The following SNX2 variants were observed in gnomAD, a reference collection of about 807,000 sequenced individuals.
SNX2 encodes sorting nexin 2, also known as sorting nexin-2.
SNX2 carries 25 observed loss-of-function variants against 69.9 expected under a neutral mutation model. The observed-to-expected ratio is 0.36, with a 90% CI of 0.26 to 0.50. SNX2 has a LOEUF of 0.50. Among genes scored for constraint, SNX2 ranks in the 20% least tolerant of loss-of-function variants. The probability of loss-of-function intolerance (pLI) is 0.97; values close to 1 mark genes in which losing one functional copy is unlikely to be tolerated. For synonymous variants in SNX2, 229 were observed against 200.4 expected (o/e 1.14, Z -1.20); for missense variants, 551 against 613.3 (o/e 0.90, Z 1.07).
At chr5:122,801,154 A>C (rs1386835997) in intron 3 of SNX2, among the ~76,000 whole-genome samples, 1 of 152,170 alleles carries the variant, frequency 6.6e-6, no homozygotes, top group Non-Finnish European at 1.5e-5. Flanking sequence ...TTGGTATTAA[A>C]GGGTAGAGAG....
chr5:122,795,614 A>G (rs763424666), intron 2 of SNX2: 78 of 366,918 alleles, frequency 2.1e-4, no homozygotes, highest in Non-Finnish European at 3.2e-4. Flanking sequence ...AATAAATTGT[A>G]TATTATAATT....
In SNX2 at chr5:122,826,113, A is replaced by G; in HGVS notation, c.1276A>G (p.Lys426Glu). Residue 426 changes from lysine (K) to glutamate (E), a missense_variant, in exon 12 of 15, where the codon AAA becomes GAA. Around this residue, in one of 2 missense-constraint regions of SNX2, gnomAD observed 360 missense variants for 450.4 expected, o/e 0.80. Coordinates refer to ENST00000379516, the MANE Select transcript of SNX2 (RefSeq NM_003100.4). ...KWEDAQITLL[K>E]KREAEAKMMV... ...GGAAGATGCTCAAATTACTTTGCTC[A>G]AAAAACGTGAAGCTGAAGCAAAAAT... The G allele has an allele frequency of 3.1e-6, 5 of 1,613,264 alleles. No individual in the cohort carries two copies. The highest frequency in any genetic ancestry group is 4.2e-6 in the Non-Finnish European group (5 of 1,179,420).
chr5:122,782,517 G>A (rs1753000451), intron 1 of SNX2, among the ~76,000 whole-genome samples: 1 of 151,816 alleles, frequency 6.6e-6, no homozygotes, highest in Admixed American at 6.6e-5. Flanking sequence ...GAGATTACAG[G>A]CGTGAGCCAT....
chr5:122,818,636 C>T (rs960626129), intron 10 of SNX2, among the ~76,000 whole-genome samples, 182 bp from the exon 11 acceptor site: 1 of 152,150 alleles, frequency 6.6e-6, no homozygotes, highest in Non-Finnish European at 1.5e-5. Context: ...AGTAGATCTC[C>T]GAGCACTTGG....
chr5:122,795,458 C>A, intron 2 of SNX2, 75 bp downstream of exon 2: 1 of 1,018,884 alleles, frequency 9.8e-7, no homozygotes, highest in Admixed American at 2.0e-5. Flanking sequence ...ATATCTAAAA[C>A]AAAACTGAAA....
intron 1 of SNX2, among the ~76,000 whole-genome samples, chr5:122,792,188 C>T (rs1171001387): frequency 2.6e-5 from 4 of 152,204 alleles, no homozygotes; most frequent in African/African-American, 4.8e-5. Context: ...TTTGAAACTA[C>T]TTTTGAATGT....
intron 6 of SNX2, among the ~76,000 whole-genome samples, chr5:122,806,071 C>G (rs1334606197): frequency 6.7e-6 from 1 of 150,174 alleles, no homozygotes; most frequent in Non-Finnish European, 1.5e-5. Flanking sequence ...TGAGCCACCG[C>G]GCCTGGCCTG....
At chr5:122,820,265 C>T (rs1278578744) in intron 11 of SNX2, among the ~76,000 whole-genome samples, 1 of 152,194 alleles carries the variant, frequency 6.6e-6, no homozygotes, top group Non-Finnish European at 1.5e-5. Context: ...GGGCCGGGCA[C>T]TGTGGCTCAC....
intron 3 of SNX2, among the ~76,000 whole-genome samples, chr5:122,800,233 G>C (rs572741080): frequency 6.6e-6 from 1 of 152,208 alleles, no homozygotes; most frequent in African/African-American, 2.4e-5. Flanking sequence ...GGTTGATATT[G>C]AAAAAGAAGG....
At chr5:122,827,763 CAG>C in intron 14 of SNX2, 117 bp downstream of exon 14, 1 of 702,250 alleles carries the variant, frequency 1.4e-6, no homozygotes, top group Non-Finnish European at 2.4e-6. Flanking sequence ...AAATGGAAGA[CAG>C]AAAGCCAGTG....
rs945454725 is a variant in SNX2, at chr5:122,831,311, T to A, written c.*1663T>A. On this transcript the variant is annotated 3_prime_UTR_variant, in exon 15 of 15. Transcript: ENST00000379516. ...TGGCTGATACATAATAGGTTAATAA[T>A]AAGGGCTTGATGGGCCAGGCACAGT... Among the ~76,000 whole-genome samples the A allele has an allele frequency of 1.3e-5, 2 of 151,958 alleles. No individual in the cohort carries two copies. Among genetic ancestry groups the A allele is most frequent in the East Asian group, 3.9e-4 (2 of 5,126 alleles).
chr5:122,799,123 G>C (rs1434893072), intron 2 of SNX2, among the ~76,000 whole-genome samples: 1 of 152,084 alleles, frequency 6.6e-6, no homozygotes, highest in Non-Finnish European at 1.5e-5. Flanking sequence ...GATTTTTCAA[G>C]TGAGTGGGCA....
chr5:122,816,041 T>C, intron 8 of SNX2, 70 bp downstream of exon 8: 1 of 728,932 alleles, frequency 1.4e-6, no homozygotes, highest in Non-Finnish European at 2.2e-6. Context: ...TATATGACTA[T>C]ATATAGTAAA....
At chr5:122,782,234 AT>A (rs1752994796) in intron 1 of SNX2, among the ~76,000 whole-genome samples, 1 of 151,630 alleles carries the variant, frequency 6.6e-6, no homozygotes. Context: ...TCTTTTGCTT[AT>A]TTTTTTATTT....
At chr5:122,783,030 C>G (rs757690604) in intron 1 of SNX2, among the ~76,000 whole-genome samples, 21 of 151,612 alleles carry the variant, frequency 1.4e-4, no homozygotes, top group Non-Finnish European at 2.9e-4. Flanking sequence ...TCCACCTCCC[C>G]AGTTCAAGCG....
rs1754362493 is a variant in SNX2, at chr5:122,834,355, T to C, written c.*4707T>C. On this transcript the variant is annotated 3_prime_UTR_variant, in exon 15 of 15. Coordinates refer to ENST00000379516, the MANE Select transcript of SNX2 (RefSeq NM_003100.4). ...TCTAAAGATTGAATAATTTTAAGTA[T>C]TTCTTAACTGGGCAAAATGGAAACT... 6.6e-6 allele frequency: 1 copy of C among 152,252 alleles called. No homozygotes were observed. Among genetic ancestry groups the C allele is most frequent in the Non-Finnish European group, 1.5e-5 (1 of 68,042 alleles). 9.4% of individuals were successfully genotyped at this position (152,252 alleles called of 1,614,324 possible). A position where few individuals can be genotyped will look rare whatever the true frequency, so the allele number is the denominator to read the frequency against.
chr5:122,803,061 A>G (rs752659813), intron 5 of SNX2, among the ~76,000 whole-genome samples: 3 of 152,202 alleles, frequency 2.0e-5, no homozygotes, highest in Non-Finnish European at 4.4e-5. Flanking sequence ...AGTAGTAAAC[A>G]ATACAGACAA....
At chr5:122,785,193 T>C (rs1161818406) in intron 1 of SNX2, among the ~76,000 whole-genome samples, 1 of 152,200 alleles carries the variant, frequency 6.6e-6, no homozygotes, top group East Asian at 1.9e-4. Context: ...TTTCCTCCTG[T>C]TGTTTCTGTT....
At chr5:122,796,915 G>C (rs1275675427) in intron 2 of SNX2, among the ~76,000 whole-genome samples, 1 of 151,952 alleles carries the variant, frequency 6.6e-6, no homozygotes, top group South Asian at 2.1e-4. Context: ...TGCCCACTTA[G>C]CTTGGTTAGA....
Sources: gnomAD v4.1 joint callset for allele counts (sites outside exome capture counted in the v4.1 genomes callset) on GRCh38, gnomAD v4.1.1 for gene constraint, gnomAD v4.1.1 regional missense constraint, MANE v1.5 for transcripts, NCBI Gene and HGNC (gene_info 2026-07-23, HGNC 2026-07-21) for gene names.